The following MEMO1 variants were observed in gnomAD, a reference collection of about 807,000 sequenced individuals.
MEMO1 encodes the protein mediator of cell motility 1.
In MEMO1, 6 loss-of-function variants were observed where a neutral mutation model predicts 45.2. The ratio of observed to expected loss-of-function variants is 0.13; its 90% CI spans 0.07 to 0.26. MEMO1 has a LOEUF of 0.26. MEMO1 is among the 10% of genes least tolerant of loss of function. The probability of loss-of-function intolerance (pLI) is 1.00; values close to 1 mark genes in which losing one functional copy is unlikely to be tolerated. For synonymous variants in MEMO1, 78 were observed against 124.3 expected (o/e 0.63, Z 2.48); for missense variants, 184 against 370.5 (o/e 0.50, Z 4.13).
chr2:31,938,112 T>A (rs925158199), intron 3 of MEMO1, among the ~76,000 whole-genome samples: 1 of 152,166 alleles, frequency 6.6e-6, no homozygotes, highest in Admixed American at 6.5e-5. Context: ...CCTCCAAACG[T>A]GCCTGCCTTA....
intron 6 of MEMO1, among the ~76,000 whole-genome samples, chr2:31,897,352 T>C (rs1453885409): frequency 6.6e-6 from 1 of 152,218 alleles, no homozygotes; most frequent in African/African-American, 2.4e-5. Flanking sequence ...TGACTGTGGG[T>C]CTGTCATAAA....
At chr2:31,996,999 C>T (rs1672698708) in intron 2 of MEMO1, among the ~76,000 whole-genome samples, 1 of 152,158 alleles carries the variant, frequency 6.6e-6, no homozygotes, top group Non-Finnish European at 1.5e-5. Flanking sequence ...CTACTGTGAG[C>T]TGTCAGGGCT....
At chr2:31,908,342 A>G (rs1322310690) in intron 6 of MEMO1, among the ~76,000 whole-genome samples, 3 of 152,174 alleles carry the variant, frequency 2.0e-5, no homozygotes, top group African/African-American at 7.2e-5. Flanking sequence ...AGGAAACTTC[A>G]GACTTCCTCC....
chr2:31,886,738 C>T (rs1056742768), intron 7 of MEMO1, among the ~76,000 whole-genome samples: 1 of 152,072 alleles, frequency 6.6e-6, no homozygotes, highest in African/African-American at 2.4e-5. Flanking sequence ...GACTTTTGTA[C>T]TTTTTAAGTA....
At chr2:31,963,250 T>G in intron 2 of MEMO1, 1 of 1,542,916 alleles carries the variant, frequency 6.5e-7, no homozygotes, top group South Asian at 1.2e-5. Flanking sequence ...ATGAGTCAAT[T>G]CCAAATAAAT....
chr2:31,873,552 C>T (rs1674103476), intron 8 of MEMO1, among the ~76,000 whole-genome samples: 1 of 152,068 alleles, frequency 6.6e-6, no homozygotes, highest in Non-Finnish European at 1.5e-5. Context: ...AAAAAGTTTA[C>T]CTATATTTAA....
intron 4 of MEMO1, chr2:31,923,539 CATGACACTT>C (rs527245806): frequency 7.9e-7 from 1 of 1,269,628 alleles, no homozygotes; most frequent in East Asian, 2.9e-5. Context: ...ACATAAATAA[CATGACACTT>C]TGTTTTAAAT....
At chr2:31,955,562 T>A (rs1214518027) in intron 2 of MEMO1, among the ~76,000 whole-genome samples, 1 of 152,164 alleles carries the variant, frequency 6.6e-6, no homozygotes, top group Non-Finnish European at 1.5e-5. Flanking sequence ...AGTCCAAAAA[T>A]TCATGAGAAT....
At chr2:31,969,353 T>C (rs1437905454) in intron 2 of MEMO1, among the ~76,000 whole-genome samples, 2 of 144,632 alleles carry the variant, frequency 1.4e-5, no homozygotes, top group Admixed American at 1.4e-4. Context: ...ATTATACATA[T>C]ATATGTTACG....
At chr2:31,908,634 C>G (rs1029850152) in intron 6 of MEMO1, among the ~76,000 whole-genome samples, 2 of 152,110 alleles carry the variant, frequency 1.3e-5, no homozygotes, top group Non-Finnish European at 2.9e-5. Flanking sequence ...ATGTGGACTA[C>G]CCTGAGAGAT....
rs548469796 is a variant in MEMO1, at chr2:31,893,231, G to A, written c.438-1097C>T. On this transcript the variant is annotated intron_variant, in intron 6 of 9. Coordinates refer to ENST00000404530, the MANE Select transcript of MEMO1 (RefSeq NM_001301833.4). The stretch of plus-strand genomic sequence containing the variant: ...GGGCACCCAAGCACCTCCCCCATAA[G>A]GCCCCCTTACCCTGTCAATTGCGAA... 58 of 656,806 alleles carry A rather than the reference G, an allele frequency of 8.8e-5. 2 individuals carry two copies. The Middle Eastern group carries it at 2.0e-3, about 22-fold the overall frequency. The allele number at this position is 656,806 out of a possible 1,614,324, so 40.7% of individuals were successfully genotyped here. A position where few individuals can be genotyped will look rare whatever the true frequency, so the allele number is the denominator to read the frequency against.
Position 31,938,565 on chromosome 2 carries a change from G to A in MEMO1, c.143+4737C>T, listed in dbSNP as rs1009323199. Among the ~76,000 whole-genome samples the A allele has an allele frequency of 3.5e-4, 53 of 151,828 alleles. 1 individual carries two copies. Among genetic ancestry groups the A allele is most frequent in the African/African-American group, 1.3e-3 (52 of 41,422 alleles). Reference sequence around the variant, plus strand: ...CGGGAGGCTGAGGCAGGAGAATGGCGTGAACCCGGCAGGTGGAGCTTGCAG... The same window carrying A: ...CGGGAGGCTGAGGCAGGAGAATGGCATGAACCCGGCAGGTGGAGCTTGCAG... On this transcript the variant is annotated intron_variant, in intron 3 of 9. Transcript: ENST00000404530.
intron 8 of MEMO1, 84 bp downstream of exon 8, chr2:31,883,302 T>C: frequency 1.1e-6 from 1 of 947,116 alleles, no homozygotes; most frequent in Non-Finnish European, 1.6e-6. Flanking sequence ...AATATATTAT[T>C]TCAACATGTT....
At chr2:31,919,511 C>A (rs2148166101) in intron 5 of MEMO1, among the ~76,000 whole-genome samples, 1 of 152,056 alleles carries the variant, frequency 6.6e-6, no homozygotes, top group South Asian at 2.1e-4. Context: ...AATAGCACCC[C>A]TAACATACTT....
At chr2:31,899,313 C>G (rs910518197) in intron 6 of MEMO1, among the ~76,000 whole-genome samples, 12 of 152,158 alleles carry the variant, frequency 7.9e-5, no homozygotes, top group Admixed American at 7.2e-4. Context: ...ACCAAAACAG[C>G]ATGGTACTGG....
chr2:31,877,402 T>C (rs1239295874), intron 8 of MEMO1, among the ~76,000 whole-genome samples: 1 of 152,198 alleles, frequency 6.6e-6, no homozygotes, highest in Non-Finnish European at 1.5e-5. Flanking sequence ...ATTCCAGGGA[T>C]GCTGACACAA....
chr2:31,896,086 G>A (rs936327650), intron 6 of MEMO1, among the ~76,000 whole-genome samples: 9 of 151,588 alleles, frequency 5.9e-5, no homozygotes, highest in South Asian at 4.2e-4. Context: ...CTCGTGATCC[G>A]CCCGCCTCAG....
At chr2:31,975,896 T>G (rs1219621092) in intron 2 of MEMO1, among the ~76,000 whole-genome samples, 1 of 152,168 alleles carries the variant, frequency 6.6e-6, no homozygotes, top group East Asian at 1.9e-4. Context: ...AATTTCCTTT[T>G]TCTTTTCTTT....
intron 2 of MEMO1, among the ~76,000 whole-genome samples, chr2:31,994,578 C>T (rs1672339609): frequency 6.6e-6 from 1 of 151,234 alleles, no homozygotes; most frequent in Non-Finnish European, 1.5e-5. Flanking sequence ...TTGCAGTGAG[C>T]CGAGATTGCA....
Sources: allele counts gnomAD v4.1 joint callset (sites outside exome capture counted in the v4.1 genomes callset), GRCh38; gene constraint gnomAD v4.1.1; transcripts MANE v1.5; gene names NCBI Gene and HGNC (gene_info 2026-07-23, HGNC 2026-07-21).